SLC35F3: variants seen among roughly 807,000 people sequenced by gnomAD.
SLC35F3 encodes putative thiamine transporter SLC35F3.
Under a neutral mutation model 49.9 loss-of-function variants are expected in SLC35F3, and 25 were observed. The observed-to-expected ratio is 0.50, with a 90% CI of 0.37 to 0.70. SLC35F3 has a LOEUF of 0.70. Ranked by LOEUF, SLC35F3 falls within the 30% of genes least tolerant of loss-of-function variation. The pLI is 0.00. For synonymous variants in SLC35F3, 275 were observed against 265.4 expected (o/e 1.04, Z -0.35); for missense variants, 525 against 639.8 (o/e 0.82, Z 1.94).
chr1:234,299,830 GA>G lies in SLC35F3; in HGVS notation c.609-9263del, dbSNP rs1348062370. 2.6e-3 allele frequency among the ~76,000 whole-genome samples: 342 copies of G among 130,756 alleles called. 1 individual carries two copies. The highest frequency in any genetic ancestry group is 9.2e-3 in the African/African-American group (323 of 35,040). The allele number at this position is 130,756 out of a possible 152,430, so 85.8% of individuals were successfully genotyped here. On this transcript the variant is annotated intron_variant, in intron 3 of 7. Transcript: ENST00000366618. ...AAAAAAAAAAAAAAAAAAAAGAGAA[GA>G]AAAAAAATTGTTAAGATTGTAAATG...
At chr1:234,035,022 A>G (rs1321325118) in intron 2 of SLC35F3, among the ~76,000 whole-genome samples, 4 of 152,200 alleles carry the variant, frequency 2.6e-5, no homozygotes, top group African/African-American at 9.7e-5. Flanking sequence ...CTTCGTAGGT[A>G]AATCTTTTCC....
chr1:234,266,800 G>A (rs1160332539), intron 3 of SLC35F3, among the ~76,000 whole-genome samples: 2 of 150,582 alleles, frequency 1.3e-5, no homozygotes, highest in South Asian at 2.1e-4. Flanking sequence ...GTAAAATATG[G>A]TATTAACATC....
At chr1:234,168,063 A>G (rs1040985706) in intron 2 of SLC35F3, among the ~76,000 whole-genome samples, 1 of 152,230 alleles carries the variant, frequency 6.6e-6, no homozygotes, top group Admixed American at 6.5e-5. Flanking sequence ...ATGTACAAAA[A>G]CAAATGATAG....
At position 233,974,726 on chromosome 1, in the gene SLC35F3, T is replaced by A. The variant is rs183731779; in HGVS notation, c.283+68968T>A. Reference sequence around the variant, plus strand: ...AAACATGTCAGTGACATGAATGTACTAAACGTGCAGCAAAGACATTTGAGT... The same window carrying A: ...AAACATGTCAGTGACATGAATGTACAAAACGTGCAGCAAAGACATTTGAGT... On this transcript the variant is annotated intron_variant, in intron 2 of 7. Transcript: ENST00000366618. 2.5e-3 allele frequency among the ~76,000 whole-genome samples: 382 copies of A among 152,350 alleles called. 1 individual carries two copies. Among genetic ancestry groups the A allele is most frequent in the Middle Eastern group, 0.017 (5 of 294 alleles).
chr1:234,089,933 C>A (rs1665016050), intron 2 of SLC35F3, among the ~76,000 whole-genome samples: 3 of 152,176 alleles, frequency 2.0e-5, no homozygotes, highest in Admixed American at 2.0e-4. Flanking sequence ...TCCACAGGCC[C>A]AGGCCTTTGA....
intron 2 of SLC35F3, among the ~76,000 whole-genome samples, chr1:234,074,831 G>A (rs889837338): frequency 2.0e-5 from 3 of 152,206 alleles, no homozygotes; most frequent in Non-Finnish European, 2.9e-5. Context: ...GCCACTGTTG[G>A]CATTGAAGAA....
At chr1:233,906,964 A>G (rs932055000) in intron 2 of SLC35F3, among the ~76,000 whole-genome samples, 4 of 152,176 alleles carry the variant, frequency 2.6e-5, no homozygotes, top group African/African-American at 9.7e-5. Context: ...ATCTCTTCCA[A>G]TCTCTTGCCT....
At chr1:234,048,647 G>C (rs1664329139) in intron 2 of SLC35F3, among the ~76,000 whole-genome samples, 1 of 152,194 alleles carries the variant, frequency 6.6e-6, no homozygotes, top group African/African-American at 2.4e-5. Flanking sequence ...CTGGAGCCTT[G>C]GGAGCAATGC....
chr1:234,204,443 C>T (rs1324959478), intron 2 of SLC35F3, among the ~76,000 whole-genome samples: 1 of 152,154 alleles, frequency 6.6e-6, no homozygotes, highest in Non-Finnish European at 1.5e-5. Flanking sequence ...CTCTGACATA[C>T]ACAAACCCAG....
At chr1:234,096,309 G>A (rs906839780) in intron 2 of SLC35F3, among the ~76,000 whole-genome samples, 4 of 152,164 alleles carry the variant, frequency 2.6e-5, no homozygotes, top group African/African-American at 9.7e-5. Flanking sequence ...CCCTGGGAAA[G>A]CAGCCCGCTT....
intron 3 of SLC35F3, among the ~76,000 whole-genome samples, chr1:234,251,987 T>A (rs1213537526): frequency 6.6e-6 from 1 of 151,810 alleles, no homozygotes; most frequent in Non-Finnish European, 1.5e-5. Context: ...CAATACTAGA[T>A]AAAGACATGG....
At chr1:233,908,630 C>T (rs59420001) in intron 2 of SLC35F3, among the ~76,000 whole-genome samples, 31 of 149,994 alleles carry the variant, frequency 2.1e-4, no homozygotes, top group African/African-American at 7.4e-4. Context: ...CAACTTCCAC[C>T]TCCCGGGTTC....
chr1:234,126,822 A>G lies in SLC35F3; in HGVS notation c.284-104595A>G, dbSNP rs144717276. Among the ~76,000 whole-genome samples the G allele has an allele frequency of 2.3e-3, 350 of 152,176 alleles. 2 individuals carry two copies. Among genetic ancestry groups the G allele is most frequent in the African/African-American group, 8.2e-3 (340 of 41,508 alleles). ...GCTATCTTCCCATCTCAGCCTCCCAAATAGCTGGGACTACAGGCACGCACT... is the reference window on the plus strand; with the variant it reads ...GCTATCTTCCCATCTCAGCCTCCCAGATAGCTGGGACTACAGGCACGCACT... On this transcript the variant is annotated intron_variant, in intron 2 of 7. Transcript: ENST00000366618.
intron 3 of SLC35F3, among the ~76,000 whole-genome samples, chr1:234,245,499 T>C (rs1249030360): frequency 6.6e-6 from 1 of 152,262 alleles, no homozygotes. Flanking sequence ...ATGGGATTGC[T>C]TCCTGCTATG....
In SLC35F3 at chr1:234,278,118, G is replaced by A. The variant is rs147976789; in HGVS notation, c.609-30983G>A. On this transcript the variant is annotated intron_variant, in intron 3 of 7. Transcript: ENST00000366618. ...TAAGGTGGGAGGATTGCCTGAGCCTGGGGGTTGGAGGCTGCAGTGAGCCAC... is the reference window on the plus strand; with the variant it reads ...TAAGGTGGGAGGATTGCCTGAGCCTAGGGGTTGGAGGCTGCAGTGAGCCAC... Among the ~76,000 whole-genome samples, 1,259 of 152,252 alleles carry A rather than the reference G, an allele frequency of 8.3e-3. 19 individuals carry two copies. The highest frequency in any genetic ancestry group is 0.028 in the African/African-American group (1,166 of 41,544).
chr1:233,976,579 T>A (rs978256632), intron 2 of SLC35F3, among the ~76,000 whole-genome samples: 1 of 152,202 alleles, frequency 6.6e-6, no homozygotes, highest in Non-Finnish European at 1.5e-5. Flanking sequence ...AAATCTGTAA[T>A]GTTGTGCATA....
intron 2 of SLC35F3, among the ~76,000 whole-genome samples, chr1:234,170,467 G>C (rs1044358387): frequency 6.6e-6 from 1 of 152,100 alleles, no homozygotes; most frequent in Non-Finnish European, 1.5e-5. Context: ...ATGTCCTTAG[G>C]CGGCTTCTTG....
intron 2 of SLC35F3, among the ~76,000 whole-genome samples, chr1:234,225,822 T>G (rs192709368): frequency 6.6e-6 from 1 of 152,204 alleles, no homozygotes; most frequent in South Asian, 2.1e-4. Context: ...ATTTGGTATA[T>G]CCATACAATG....
chr1:234,150,865 TG>T (rs1666065947), intron 2 of SLC35F3, among the ~76,000 whole-genome samples: 1 of 152,148 alleles, frequency 6.6e-6, no homozygotes, highest in African/African-American at 2.4e-5. Flanking sequence ...GAAGCAATGA[TG>T]GACCCAGTGT....
Sources: gnomAD v4.1 joint callset for allele counts (sites outside exome capture counted in the v4.1 genomes callset) on GRCh38, gnomAD v4.1.1 for gene constraint, MANE v1.5 for transcripts, NCBI Gene and HGNC (gene_info 2026-07-23, HGNC 2026-07-21) for gene names.